Variants in UBE3C observed in about 807,000 individuals in gnomAD.
The protein encoded by UBE3C is ubiquitin-protein ligase E3C.
A neutral mutation model predicts 129.4 loss-of-function variants in UBE3C; 42 were observed. That is an observed-to-expected ratio of 0.32 (90% CI 0.25 to 0.42). UBE3C has a LOEUF of 0.42. Among genes scored for constraint, UBE3C ranks in the 10% least tolerant of loss-of-function variants. The probability of loss-of-function intolerance (pLI) is 1.00; values close to 1 mark genes in which losing one functional copy is unlikely to be tolerated. For synonymous variants in UBE3C, 510 were observed against 492.4 expected (o/e 1.04, Z -0.47); for missense variants, 1,049 against 1,319.1 (o/e 0.80, Z 3.17).
chr7:157,254,202 A>C, intron 20 of UBE3C, 42 bp from the exon 21 acceptor site: 1 of 1,607,736 alleles, frequency 6.2e-7, no homozygotes, highest in Admixed American at 1.7e-5. Flanking sequence ...AGGCTTTCTT[A>C]AAATTTACCT....
At chr7:157,216,025 A>G (rs1156738984) in intron 13 of UBE3C, among the ~76,000 whole-genome samples, 1 of 152,226 alleles carries the variant, frequency 6.6e-6, no homozygotes, top group East Asian at 1.9e-4. Context: ...AAACCATAAT[A>G]AAATACTAAG....
intron 1 of UBE3C, among the ~76,000 whole-genome samples, chr7:157,145,783 C>T (rs1338015765): frequency 6.6e-6 from 1 of 151,310 alleles, no homozygotes; most frequent in South Asian, 2.1e-4. Flanking sequence ...GAGTGGTTTA[C>T]GGTTTACAGA....
chr7:157,215,762 G>A (rs1034772723), intron 13 of UBE3C, among the ~76,000 whole-genome samples: 1 of 151,970 alleles, frequency 6.6e-6, no homozygotes, highest in African/African-American at 2.4e-5. Context: ...CATTTAAAAT[G>A]TTGGATTTAC....
intron 4 of UBE3C, 75 bp downstream of exon 4, chr7:157,170,525 C>A: frequency 7.2e-7 from 1 of 1,393,456 alleles, no homozygotes; most frequent in Admixed American, 3.0e-5. Context: ...GAAATGGCTT[C>A]TCATCAGAAA....
intron 1 of UBE3C, among the ~76,000 whole-genome samples, chr7:157,161,954 C>T (rs1348833396): frequency 6.6e-6 from 1 of 151,764 alleles, no homozygotes; most frequent in African/African-American, 2.4e-5. Flanking sequence ...CCCGTAGTCC[C>T]AGTTACTCGG....
intron 5 of UBE3C, among the ~76,000 whole-genome samples, chr7:157,177,826 C>T (rs1395849303): frequency 6.6e-6 from 1 of 152,102 alleles, no homozygotes; most frequent in Non-Finnish European, 1.5e-5. Context: ...CCCCTCCTGG[C>T]AGGGCAGAAG....
chr7:157,267,864 C>T lies in UBE3C; in HGVS notation c.*109C>T. The T allele has an allele frequency of 1.1e-6, 1 of 908,290 alleles. No individual in the cohort carries two copies. 56.3% of individuals were successfully genotyped at this position (908,290 alleles called of 1,614,324 possible). A position where few individuals can be genotyped will look rare whatever the true frequency, so the allele number is the denominator to read the frequency against. On this transcript the variant is annotated 3_prime_UTR_variant, in exon 23 of 23. Transcript: ENST00000348165. ...ACTGCACGCCTGAGGCTCTCCTAAG[C>T]TCCTTCTTTCATTCTGCCATTCCTC... is the stretch of plus-strand genomic sequence containing the variant.
rs112945357 is a variant in UBE3C, at chr7:157,218,887, G to A, written c.1915-1802G>A. On this transcript the variant is annotated intron_variant, in intron 14 of 22. Coordinates refer to ENST00000348165, the MANE Select transcript of UBE3C (RefSeq NM_014671.3). ...CGCAAGGGTGCTAACAAAACCCTTC[G>A]TCATCATATTTGTAGGATGCAAAGG... 9.5e-3 allele frequency among the ~76,000 whole-genome samples: 1,439 copies of A among 152,190 alleles called. 14 individuals are homozygous for A. The highest frequency in any genetic ancestry group is 0.033 in the African/African-American group (1,374 of 41,524).
rs143422619 is a variant in UBE3C at position 157,173,358 on chromosome 7, TG to T, written c.343-1560del. Among the ~76,000 whole-genome samples the T allele has an allele frequency of 6.8e-3, 1,034 of 152,316 alleles. 18 individuals carry two copies. The highest frequency in any genetic ancestry group is 0.046 in the South Asian group (224 of 4,824). On this transcript the variant is annotated intron_variant, in intron 4 of 22. Coordinates refer to ENST00000348165, the MANE Select transcript of UBE3C (RefSeq NM_014671.3). ...GCGACTGCACTCCAGCCTGGGCGGT[TG>T]AATGTTGATTCAGTTCTCAAGCATA...
At chr7:157,258,757 G>GC (rs1796823271) in intron 22 of UBE3C, among the ~76,000 whole-genome samples, 1 of 152,094 alleles carries the variant, frequency 6.6e-6, no homozygotes, top group Non-Finnish European at 1.5e-5. Flanking sequence ...ATCATGCCCG[G>GC]CCCCCCAAGT....
At chr7:157,146,771 C>T (rs1467327386) in intron 1 of UBE3C, among the ~76,000 whole-genome samples, 1 of 152,150 alleles carries the variant, frequency 6.6e-6, no homozygotes, top group African/African-American at 2.4e-5. Context: ...TCTTCTGCCT[C>T]AGCATCCTGA....
At chr7:157,246,173 G>T (rs1584818172) in intron 18 of UBE3C, among the ~76,000 whole-genome samples, 1 of 152,126 alleles carries the variant, frequency 6.6e-6, no homozygotes, top group East Asian at 1.9e-4. Context: ...GTCTGAGCAT[G>T]CCCTGTTGGA....
chr7:157,193,142 G>T (rs1252088854), intron 10 of UBE3C, among the ~76,000 whole-genome samples: 1 of 152,150 alleles, frequency 6.6e-6, no homozygotes, highest in Non-Finnish European at 1.5e-5. Context: ...GTCTCCAGAC[G>T]AAATACACCT....
intron 22 of UBE3C, among the ~76,000 whole-genome samples, chr7:157,264,356 TAC>T (rs35601959): frequency 0.01 from 1,136 of 108,786 alleles, 16 homozygotes; most frequent in African/African-American, 0.037. Flanking sequence ...CTCGGCCTGT[TAC>T]ACACACACAC....
At chr7:157,189,595 G>A (rs1469442591) in intron 10 of UBE3C, among the ~76,000 whole-genome samples, 4 of 152,124 alleles carry the variant, frequency 2.6e-5, no homozygotes, top group African/African-American at 4.8e-5. Flanking sequence ...TGAGGCCTGC[G>A]GTGCCCACTC....
chr7:157,184,938 G>T (rs1419698311), intron 9 of UBE3C, among the ~76,000 whole-genome samples: 1 of 152,194 alleles, frequency 6.6e-6, no homozygotes, highest in Non-Finnish European at 1.5e-5. Context: ...TGACAAAGGA[G>T]TGAAGCCGTT....
intron 1 of UBE3C, among the ~76,000 whole-genome samples, chr7:157,162,346 C>T (rs1477837234): frequency 6.6e-6 from 1 of 151,584 alleles, no homozygotes; most frequent in Admixed American, 6.6e-5. Context: ...TGGTATGTGC[C>T]ACCATGCCCG....
intron 5 of UBE3C, among the ~76,000 whole-genome samples, chr7:157,177,443 G>A (rs1808549197): frequency 6.6e-6 from 1 of 152,232 alleles, no homozygotes; most frequent in East Asian, 1.9e-4. Context: ...CACCGTTCCA[G>A]CACTTCTCTC....
chr7:157,162,601 T>C (rs1052881065), intron 1 of UBE3C, among the ~76,000 whole-genome samples: 4 of 151,434 alleles, frequency 2.6e-5, no homozygotes, highest in Non-Finnish European at 5.9e-5. Context: ...GAGTGGTAGC[T>C]CAATCCTGGC....
Sources: allele counts gnomAD v4.1 joint callset (sites outside exome capture counted in the v4.1 genomes callset), GRCh38; gene constraint gnomAD v4.1.1; transcripts MANE v1.5; gene names NCBI Gene and HGNC (gene_info 2026-07-23, HGNC 2026-07-21).